Variants in MERTK observed in about 807,000 individuals in gnomAD.
MERTK encodes the protein tyrosine-protein kinase Mer.
In MERTK, 69 loss-of-function variants were observed where a neutral mutation model predicts 99.3. The observed-to-expected ratio is 0.70, with a 90% CI of 0.57 to 0.85. The LOEUF is 0.85. Ranked by LOEUF, MERTK falls within the 40% of genes least tolerant of loss-of-function variation. MERTK has a pLI of 0.00. For synonymous variants in MERTK, 426 were observed against 467.6 expected, an observed-to-expected ratio of 0.91 and a Z score of 1.15; for missense variants, 1,125 against 1,249.4, an observed-to-expected ratio of 0.90 and a Z score of 1.50.
chr2:111,982,785 A>G, intron 7 of MERTK, 57 bp from the exon 8 acceptor site: 1 of 1,580,050 alleles, frequency 6.3e-7, no homozygotes, highest in South Asian at 1.1e-5. Flanking sequence ...CCCAGATGAG[A>G]ATACATCTGT....
At chr2:112,000,190 T>A (rs1028515079) in intron 10 of MERTK, among the ~76,000 whole-genome samples, 1 of 152,188 alleles carries the variant, frequency 6.6e-6, no homozygotes, top group African/African-American at 2.4e-5. Flanking sequence ...GCCATCTGGG[T>A]GTATACGTGC....
Position 112,028,507 on chromosome 2 carries a change from T to C in MERTK, c.2643T>C (p.Ser881=). 1 of 1,614,230 alleles carries C rather than the reference T, an allele frequency of 6.2e-7. No individual in the cohort carries two copies. The highest frequency in any genetic ancestry group is 8.5e-7 in the Non-Finnish European group (1 of 1,180,042). The change falls in exon 19 of 19, where the codon TCT becomes TCC. Residue 881 remains serine (S), a synonymous_variant. Transcript: ENST00000295408. ...IYVNTQLLES[S]EGLAQGSTLA... Reference sequence around the variant, plus strand: ...TCAATACACAGTTGCTGGAGAGCTCTGAGGGCCTGGCCCAGGGCTCCACCC... The same window carrying C: ...TCAATACACAGTTGCTGGAGAGCTCCGAGGGCCTGGCCCAGGGCTCCACCC...
intron 4 of MERTK, 135 bp from the exon 5 acceptor site, chr2:111,965,056 C>A: frequency 1.2e-6 from 1 of 840,432 alleles, no homozygotes; most frequent in East Asian, 2.6e-5. Flanking sequence ...GCTAGCACAC[C>A]TTTTAAATTA....
At chr2:111,988,838 A>G (rs1296489376) in intron 8 of MERTK, among the ~76,000 whole-genome samples, 1 of 152,194 alleles carries the variant, frequency 6.6e-6, no homozygotes, top group Non-Finnish European at 1.5e-5. Context: ...AGTCCCAGCT[A>G]CTTGGGCAGC....
chr2:112,020,425 G>A (rs1677315053), intron 16 of MERTK, among the ~76,000 whole-genome samples: 1 of 152,190 alleles, frequency 6.6e-6, no homozygotes, highest in Non-Finnish European at 1.5e-5. Flanking sequence ...TAAAAAGGCA[G>A]TGTCAAGCAA....
At chr2:111,953,408 A>G (rs193150822) in intron 4 of MERTK, among the ~76,000 whole-genome samples, 1 of 152,298 alleles carries the variant, frequency 6.6e-6, no homozygotes, top group East Asian at 1.9e-4. Flanking sequence ...TCTTAGTGAC[A>G]GTATTTATTA....
At chr2:112,024,520 GC>G in intron 18 of MERTK, among the ~76,000 whole-genome samples, 1 of 152,328 alleles carries the variant, frequency 6.6e-6, no homozygotes, top group African/African-American at 2.4e-5. Context: ...CTGTGCTGTG[GC>G]CTCGGGGCCC....
rs185971096 is a variant in MERTK at position 111,995,234 on chromosome 2, G to A, written c.1450+830G>A. 9.1e-4 allele frequency: 141 copies of A among 155,656 alleles called. 1 individual carries two copies. The highest frequency in any genetic ancestry group is 2.9e-3 in the African/African-American group (120 of 41,630). The allele number at this position is 155,656 out of a possible 1,614,324, so 9.6% of individuals were successfully genotyped here. ...CACGGAGCTAAATGCCCAGCCATGC[G>A]TGTTGGCTTTTGCATGTTGCTGGAA... On this transcript the variant is annotated intron_variant, in intron 9 of 18. Coordinates refer to ENST00000295408, the MANE Select transcript of MERTK (RefSeq NM_006343.3).
chr2:112,021,616 C>T, intron 17 of MERTK, 35 bp downstream of exon 17: 2 of 1,569,484 alleles, frequency 1.3e-6, no homozygotes, highest in Non-Finnish European at 1.8e-6. Flanking sequence ...GGTCCCACAG[C>T]ACAAAGAGGA....
intron 4 of MERTK, among the ~76,000 whole-genome samples, chr2:111,960,789 G>A (rs1685235506): frequency 6.6e-6 from 1 of 151,926 alleles, no homozygotes; most frequent in Non-Finnish European, 1.5e-5. Context: ...AGTCGTTACA[G>A]TGGGTGTTGG....
chr2:112,005,128 C>T (rs976050079), intron 13 of MERTK, among the ~76,000 whole-genome samples: 3 of 151,946 alleles, frequency 2.0e-5, no homozygotes, highest in African/African-American at 7.2e-5. Context: ...CGTGCAGTGG[C>T]GCCATCTTGG....
intron 4 of MERTK, among the ~76,000 whole-genome samples, chr2:111,960,614 A>G (rs757732603): frequency 6.6e-6 from 1 of 152,056 alleles, no homozygotes; most frequent in Non-Finnish European, 1.5e-5. Context: ...AATAATGAGT[A>G]TAATCAATTC....
At chr2:111,976,413 G>A (rs976211926) in intron 7 of MERTK, among the ~76,000 whole-genome samples, 3 of 152,182 alleles carry the variant, frequency 2.0e-5, no homozygotes, top group African/African-American at 7.2e-5. Context: ...GAAGAGGTCA[G>A]AGAGATTGTT....
intron 2 of MERTK, among the ~76,000 whole-genome samples, chr2:111,944,516 C>A: frequency 2.6e-5 from 4 of 152,302 alleles, no homozygotes; most frequent in African/African-American, 4.8e-5. Flanking sequence ...AAAATAATTC[C>A]TCTGTTTTAA....
intron 8 of MERTK, among the ~76,000 whole-genome samples, chr2:111,991,838 G>T (rs1248597535): frequency 6.6e-6 from 1 of 152,096 alleles, no homozygotes; most frequent in African/African-American, 2.4e-5. Context: ...TTTCCTAAGG[G>T]ACTAAAACAA....
At chr2:111,925,609 TC>T (rs1334325837) in intron 1 of MERTK, among the ~76,000 whole-genome samples, 1 of 150,448 alleles carries the variant, frequency 6.6e-6, no homozygotes, top group Non-Finnish European at 1.5e-5. Context: ...GGCCCAGATA[TC>T]TTTTAAACCA....
intron 1 of MERTK, among the ~76,000 whole-genome samples, chr2:111,924,116 G>A (rs867349441): frequency 1.3e-5 from 2 of 152,168 alleles, no homozygotes; most frequent in African/African-American, 4.8e-5. Flanking sequence ...CACCAGCCAC[G>A]TGGGGGTCCA....
intron 10 of MERTK, among the ~76,000 whole-genome samples, chr2:112,000,691 C>A (rs2104404679): frequency 6.6e-6 from 1 of 152,256 alleles, no homozygotes; most frequent in South Asian, 2.1e-4. Context: ...TGCTGGGTTT[C>A]TCTACCATGA....
chr2:112,020,000 G>C (rs1396066965), intron 16 of MERTK, among the ~76,000 whole-genome samples: 1 of 152,192 alleles, frequency 6.6e-6, no homozygotes, highest in Non-Finnish European at 1.5e-5. Context: ...GTGGACTTAG[G>C]TTCTCCCTAT....
Sources: allele counts gnomAD v4.1 joint callset (sites outside exome capture counted in the v4.1 genomes callset), GRCh38; gene constraint gnomAD v4.1.1; transcripts MANE v1.5; gene names NCBI Gene and HGNC (gene_info 2026-07-23, HGNC 2026-07-21).